SRGAP1: variants seen among roughly 807,000 people sequenced by gnomAD.
The protein encoded by SRGAP1 is SLIT-ROBO Rho GTPase-activating protein 1.
In SRGAP1, 43 loss-of-function variants were observed where a neutral mutation model predicts 121.9. The ratio of observed to expected loss-of-function variants is 0.35; its 90% CI spans 0.28 to 0.46. SRGAP1 has a LOEUF of 0.46. Ranked by LOEUF, SRGAP1 falls within the 20% of genes least tolerant of loss-of-function variation. SRGAP1 has a pLI of 1.00. For missense variants in SRGAP1, 1,102 were observed against 1,350.9 expected, an observed-to-expected ratio of 0.82 and a Z score of 2.89; for synonymous variants, 447 against 485.4, an observed-to-expected ratio of 0.92 and a Z score of 1.04.
intron 3 of SRGAP1, among the ~76,000 whole-genome samples, chr12:64,006,293 A>G (rs189712156): frequency 6.6e-6 from 1 of 152,312 alleles, no homozygotes; most frequent in Admixed American, 6.5e-5. Context: ...AGATAAGGGT[A>G]GATAAGACTC....
intron 1 of SRGAP1, among the ~76,000 whole-genome samples, chr12:63,858,513 G>C (rs1332013281): frequency 6.6e-6 from 1 of 151,928 alleles, no homozygotes; most frequent in African/African-American, 2.4e-5. Flanking sequence ...CACAGCGTGA[G>C]TGAGGCTATT....
chr12:64,081,942 T>C (rs1240640115), intron 10 of SRGAP1: 1 of 151,134 alleles, frequency 6.6e-6, no homozygotes, highest in Non-Finnish European at 1.5e-5. Flanking sequence ...TATCTTTGAA[T>C]AGTTTTCTTA....
In SRGAP1 at chr12:64,161,889, T is replaced by C. The variant is rs1289810464; in HGVS notation, c.*19217T>C. The C allele has an allele frequency of 6.6e-6, 1 of 152,162 alleles. No individual in the cohort carries two copies. The highest frequency in any genetic ancestry group is 1.5e-5 in the Non-Finnish European group (1 of 68,026). 9.4% of individuals were successfully genotyped at this position (152,162 alleles called of 1,614,324 possible). A position where few individuals can be genotyped will look rare whatever the true frequency, so the allele number is the denominator to read the frequency against. On this transcript the variant is annotated 3_prime_UTR_variant, in exon 22 of 22. Coordinates refer to ENST00000355086, the MANE Select transcript of SRGAP1 (RefSeq NM_020762.4). ...ATGGAATACTATTCTGTAATGAAGA[T>C]GGGAAAGAACGGAGTACTGATACAC...
At chr12:63,880,123 T>G (rs1256826958) in intron 1 of SRGAP1, among the ~76,000 whole-genome samples, 1 of 152,178 alleles carries the variant, frequency 6.6e-6, no homozygotes, top group Non-Finnish European at 1.5e-5. Flanking sequence ...GCAGTTCCCC[T>G]GCACACACTC....
chr12:63,939,804 G>C (rs182755567), intron 1 of SRGAP1, among the ~76,000 whole-genome samples: 310 of 152,194 alleles, frequency 2.0e-3, no homozygotes, highest in Admixed American at 5.2e-3. Flanking sequence ...CTGGAAGGTG[G>C]CTCCATGGCT....
intron 1 of SRGAP1, among the ~76,000 whole-genome samples, chr12:63,949,114 AT>A (rs1186939526): frequency 1.3e-5 from 1 of 77,472 alleles, no homozygotes; most frequent in East Asian, 5.9e-4. Flanking sequence ...ATATATATAC[AT>A]TCATATATGT....
intron 1 of SRGAP1, among the ~76,000 whole-genome samples, chr12:63,942,188 G>A (rs2031893185): frequency 6.6e-6 from 1 of 152,124 alleles, no homozygotes; most frequent in Non-Finnish European, 1.5e-5. Context: ...GGGCATCATT[G>A]TAATTCTAGC....
chr12:64,041,478 G>A (rs7980231), intron 4 of SRGAP1, among the ~76,000 whole-genome samples: 35,550 of 150,834 alleles, frequency 0.24, 4,464 homozygotes, highest in Non-Finnish European at 0.28. Context: ...TCCACCTCCC[G>A]GGCTCAACCA....
rs789722 is a variant in SRGAP1, at chr12:64,126,026, T to C, written c.2274T>C (p.Ser758=). 0.53 allele frequency: 850,971 copies of C among 1,613,758 alleles called. 227,546 individuals carry two copies. Among genetic ancestry groups the C allele is most frequent in the African/African-American group, 0.7 (52,110 of 74,950 alleles). Residue 758 remains serine, a synonymous_variant, in exon 19 of 22, where the codon TCT becomes TCC. Coordinates refer to ENST00000355086, the MANE Select transcript of SRGAP1 (RefSeq NM_020762.4). The part of the protein sequence containing the change: ...AIAKFDYVGR[S]ARELSFKKGA... ...CCAAGTTTGACTATGTTGGGCGGTC[T>C]GCCAGAGAACTATCCTTCAAGAAGG...
In SRGAP1 at chr12:64,158,258, T is replaced by C. The variant is rs750200263; in HGVS notation, c.*15586T>C. Reference sequence around the variant, plus strand: ...ATTAGATGTTTCTAAATTAAAACTATTTCCTGCTTTGTATTTGTCCTTTAT... The same window carrying C: ...ATTAGATGTTTCTAAATTAAAACTACTTCCTGCTTTGTATTTGTCCTTTAT... On this transcript the variant is annotated 3_prime_UTR_variant, in exon 22 of 22. Coordinates refer to ENST00000355086, the MANE Select transcript of SRGAP1 (RefSeq NM_020762.4). 6 of 152,254 alleles carry C rather than the reference T, an allele frequency of 3.9e-5. No individual in the cohort carries two copies. Among genetic ancestry groups the C allele is most frequent in the Non-Finnish European group, 5.9e-5 (4 of 68,046 alleles). The allele number at this position is 152,254 out of a possible 1,614,324, so 9.4% of individuals were successfully genotyped here.
At chr12:64,132,130 C>T (rs1412462080) in intron 21 of SRGAP1, among the ~76,000 whole-genome samples, 2 of 152,196 alleles carry the variant, frequency 1.3e-5, no homozygotes, top group South Asian at 2.1e-4. Flanking sequence ...GCCAAGATCA[C>T]GCCACTGCAC....
chr12:64,066,789 T>G (rs745522099), intron 8 of SRGAP1, among the ~76,000 whole-genome samples: 65 of 152,292 alleles, frequency 4.3e-4, no homozygotes, highest in Non-Finnish European at 9.0e-4. Context: ...TGAGGCAGCG[T>G]TTGAGAGCCT....
At chr12:63,985,917 T>C (rs769224322) in intron 2 of SRGAP1, among the ~76,000 whole-genome samples, 47 of 152,144 alleles carry the variant, frequency 3.1e-4, no homozygotes, top group Non-Finnish European at 5.1e-4. Flanking sequence ...TCTGTCACCA[T>C]TGGCTTTGCA....
intron 1 of SRGAP1, among the ~76,000 whole-genome samples, chr12:63,890,135 C>A (rs1017939372): frequency 2.0e-5 from 3 of 152,110 alleles, no homozygotes; most frequent in African/African-American, 7.2e-5. Flanking sequence ...ATACCTGGCC[C>A]AGAGCAGGGG....
At chr12:64,128,911 C>G (rs781709420) in intron 21 of SRGAP1, among the ~76,000 whole-genome samples, 2 of 151,954 alleles carry the variant, frequency 1.3e-5, no homozygotes, top group Non-Finnish European at 2.9e-5. Context: ...ATAAATTTGC[C>G]CATCATTCTA....
At chr12:63,881,809 A>G (rs1424673996) in intron 1 of SRGAP1, among the ~76,000 whole-genome samples, 2 of 152,178 alleles carry the variant, frequency 1.3e-5, no homozygotes, top group African/African-American at 4.8e-5. Context: ...TAACTATTTT[A>G]TATGCATTAA....
intron 1 of SRGAP1, among the ~76,000 whole-genome samples, chr12:63,881,505 C>T (rs1209433075): frequency 6.6e-6 from 1 of 152,178 alleles, no homozygotes; most frequent in Non-Finnish European, 1.5e-5. Context: ...GGATTCCCAT[C>T]CCAGCTCTGT....
chr12:63,997,552 A>G (rs908606052), intron 3 of SRGAP1, among the ~76,000 whole-genome samples: 8 of 152,142 alleles, frequency 5.3e-5, no homozygotes, highest in African/African-American at 1.9e-4. Flanking sequence ...TCTCTAAGTT[A>G]CTTTTATTTT....
At chr12:63,897,097 G>T (rs1483116508) in intron 1 of SRGAP1, among the ~76,000 whole-genome samples, 1 of 152,146 alleles carries the variant, frequency 6.6e-6, no homozygotes, top group Non-Finnish European at 1.5e-5. Flanking sequence ...GACATAAATT[G>T]AATCTTAGTT....
Sources: gnomAD v4.1 joint callset for allele counts (sites outside exome capture counted in the v4.1 genomes callset) on GRCh38, gnomAD v4.1.1 for gene constraint, MANE v1.5 for transcripts, NCBI Gene and HGNC (gene_info 2026-07-23, HGNC 2026-07-21) for gene names.